The following DPP10 variants were observed in gnomAD, a reference collection of about 807,000 sequenced individuals.
DPP10 encodes dipeptidyl peptidase like 10, also known as inactive dipeptidyl peptidase 10.
DPP10 carries 33 observed loss-of-function variants against 120.9 expected under a neutral mutation model. That is an observed-to-expected ratio of 0.27 (90% CI 0.21 to 0.37). DPP10 has a LOEUF of 0.37. Ranked by LOEUF, DPP10 falls within the 10% of genes least tolerant of loss-of-function variation. The pLI, the probability that DPP10 is intolerant of heterozygous loss-of-function variation, is 1.00. For missense variants in DPP10, 816 were observed against 942.8 expected (o/e 0.87, Z 1.76); for synonymous variants, 337 against 326.1 (o/e 1.03, Z -0.36).
At chr2:115,299,273 G>A (rs1029766419) in intron 1 of DPP10, among the ~76,000 whole-genome samples, 1 of 152,060 alleles carries the variant, frequency 6.6e-6, no homozygotes, top group Non-Finnish European at 1.5e-5. Context: ...TAGTGTTCAT[G>A]TAAAGAAAAG....
chr2:114,743,603 CCT>C (rs1678278422), intron 1 of DPP10, among the ~76,000 whole-genome samples: 1 of 152,120 alleles, frequency 6.6e-6, no homozygotes, highest in South Asian at 2.1e-4. Context: ...GCATCCTTAG[CCT>C]CTCTGTTGAT....
intron 1 of DPP10, among the ~76,000 whole-genome samples, chr2:114,917,512 C>T (rs1203297437): frequency 1.3e-5 from 2 of 151,988 alleles, no homozygotes; most frequent in Admixed American, 6.6e-5. Flanking sequence ...CCAAAGCAAT[C>T]CTCAGCACAA....
chr2:115,474,372 A>C (rs1328647580), intron 3 of DPP10, among the ~76,000 whole-genome samples: 1 of 152,184 alleles, frequency 6.6e-6, no homozygotes, highest in African/African-American at 2.4e-5. Context: ...TGGAGGTAGG[A>C]ATTAGAAAAC....
chr2:114,777,184 T>G (rs1199912791), intron 1 of DPP10, among the ~76,000 whole-genome samples: 1 of 152,136 alleles, frequency 6.6e-6, no homozygotes, highest in Non-Finnish European at 1.5e-5. Flanking sequence ...TTCTCATTTA[T>G]TTTTGAAACT....
intron 1 of DPP10, among the ~76,000 whole-genome samples, chr2:114,671,824 G>T (rs1301590323): frequency 6.6e-6 from 1 of 151,834 alleles, no homozygotes; most frequent in Non-Finnish European, 1.5e-5. Flanking sequence ...TCTTGTTTCT[G>T]TTATTTAAAA....
At chr2:115,679,195 G>A (rs573994131) in intron 5 of DPP10, among the ~76,000 whole-genome samples, 1 of 134,658 alleles carries the variant, frequency 7.4e-6, no homozygotes. Flanking sequence ...CATGAGATGT[G>A]GGGGGGGTGC....
intron 1 of DPP10, among the ~76,000 whole-genome samples, chr2:115,233,212 A>AGC (rs929019970): frequency 4.0e-5 from 6 of 148,844 alleles, no homozygotes; most frequent in African/African-American, 1.5e-4. Flanking sequence ...AGGTATATTG[A>AGC]GTGTGTGTGT....
At chr2:115,259,999 C>T (rs1387813812) in intron 1 of DPP10, among the ~76,000 whole-genome samples, 1 of 151,282 alleles carries the variant, frequency 6.6e-6, no homozygotes, top group Non-Finnish European at 1.5e-5. Context: ...TATAATTACA[C>T]TTTTAAAAAT....
intron 1 of DPP10, among the ~76,000 whole-genome samples, chr2:115,012,085 T>C (rs1033083337): frequency 6.6e-6 from 1 of 151,988 alleles, no homozygotes; most frequent in Non-Finnish European, 1.5e-5. Context: ...TATAACTCCA[T>C]TGGACTGAGA....
At chr2:114,472,926 C>T (rs1680047109) in intron 1 of DPP10, among the ~76,000 whole-genome samples, 2 of 152,202 alleles carry the variant, frequency 1.3e-5, no homozygotes, top group African/African-American at 2.4e-5. Flanking sequence ...CTCCTCCCAT[C>T]ACCATAGCAA....
intron 1 of DPP10, among the ~76,000 whole-genome samples, chr2:115,071,530 C>A (rs977341035): frequency 2.0e-5 from 3 of 152,192 alleles, no homozygotes; most frequent in African/African-American, 7.2e-5. Context: ...AGAAAGCAAT[C>A]ATGACAAATG....
chr2:115,268,306 T>G lies in DPP10; in HGVS notation c.61-40933T>G, dbSNP rs139341868. Reference sequence around the variant, plus strand: ...AAAAAATTATGAGTCAGAGGCTAATTTACTTTCCAAGGTTTGAAGAGGCAG... The same window carrying G: ...AAAAAATTATGAGTCAGAGGCTAATGTACTTTCCAAGGTTTGAAGAGGCAG... On this transcript the variant is annotated intron_variant, in intron 1 of 25. Coordinates refer to ENST00000410059, the MANE Select transcript of DPP10 (RefSeq NM_020868.6). Among the ~76,000 whole-genome samples, 867 of 152,262 alleles carry G rather than the reference T, an allele frequency of 5.7e-3. 7 individuals are homozygous for G. Among genetic ancestry groups the G allele is most frequent in the African/African-American group, 0.02 (838 of 41,548 alleles).
chr2:115,611,376 A>C (rs2149251571), intron 5 of DPP10, among the ~76,000 whole-genome samples: 1 of 152,336 alleles, frequency 6.6e-6, no homozygotes, highest in African/African-American at 2.4e-5. Flanking sequence ...TTAGAGAAGC[A>C]CACTCTAGCA....
chr2:114,485,674 G>A (rs978752153), intron 1 of DPP10, among the ~76,000 whole-genome samples: 3 of 151,942 alleles, frequency 2.0e-5, no homozygotes, highest in South Asian at 2.1e-4. Flanking sequence ...CTCTTCTGGC[G>A]TGTCTGGGCT....
chr2:115,735,142 T>C (rs551134412), intron 8 of DPP10, among the ~76,000 whole-genome samples: 1 of 152,290 alleles, frequency 6.6e-6, no homozygotes, highest in South Asian at 2.1e-4. Flanking sequence ...CAGGGTTTCA[T>C]AGTGGTCATA....
intron 19 of DPP10, among the ~76,000 whole-genome samples, chr2:115,808,669 CT>C (rs1686298361): frequency 6.6e-6 from 1 of 152,200 alleles, no homozygotes. Flanking sequence ...CCCATATCAC[CT>C]GTACCTTTTC....
chr2:114,978,914 G>A (rs1699917558), intron 1 of DPP10, among the ~76,000 whole-genome samples: 1 of 152,078 alleles, frequency 6.6e-6, no homozygotes, highest in South Asian at 2.1e-4. Flanking sequence ...CTAACACACT[G>A]TTGACATTTT....
chr2:115,566,757 T>C (rs946070075), intron 5 of DPP10, among the ~76,000 whole-genome samples: 3 of 152,236 alleles, frequency 2.0e-5, no homozygotes, highest in African/African-American at 7.2e-5. Flanking sequence ...TGCTCATTGC[T>C]ACTGTAATGA....
At chr2:115,057,370 GGGATT>G (rs1382765831) in intron 1 of DPP10, among the ~76,000 whole-genome samples, 1 of 152,134 alleles carries the variant, frequency 6.6e-6, no homozygotes, top group Non-Finnish European at 1.5e-5. Context: ...GTGAGATGGA[GGGATT>G]TTTTTTTAGG....
Sources: gnomAD v4.1 joint callset for allele counts (sites outside exome capture counted in the v4.1 genomes callset) on GRCh38, gnomAD v4.1.1 for gene constraint, MANE v1.5 for transcripts, NCBI Gene and HGNC (gene_info 2026-07-23, HGNC 2026-07-21) for gene names.